PALB2: variants seen among roughly 807,000 people sequenced by gnomAD.
PALB2 encodes the protein mutant partner and localizer of BRCA2.
Under a neutral mutation model 107.4 loss-of-function variants are expected in PALB2, and 82 were observed. The observed-to-expected ratio is 0.76, with a 90% CI of 0.64 to 0.92. The LOEUF is 0.92. Among genes scored for constraint, PALB2 ranks in the 40% least tolerant of loss-of-function variants. PALB2 has a pLI of 0.00. For synonymous variants in PALB2, 489 were observed against 496.8 expected, an observed-to-expected ratio of 0.98 and a Z score of 0.21; for missense variants, 1,374 against 1,379.9, an observed-to-expected ratio of 1.00 and a Z score of 0.07.
intron 10 of PALB2, among the ~76,000 whole-genome samples, chr16:23,614,501 G>A (rs971604615): frequency 6.6e-6 from 1 of 152,130 alleles, no homozygotes; most frequent in Non-Finnish European, 1.5e-5. Flanking sequence ...ACCTAAAAGA[G>A]AGTTACAATT....
At chr16:23,612,028 G>A (rs189557664) in intron 11 of PALB2, among the ~76,000 whole-genome samples, 10 of 152,226 alleles carry the variant, frequency 6.6e-5, no homozygotes, top group Admixed American at 2.0e-4. Flanking sequence ...GGAAAGATGC[G>A]GTCTTTGTGT....
chr16:23,637,879 T>A lies in PALB2; in HGVS notation c.182A>T (p.Gln61Leu), dbSNP rs1354687901. 1.2e-6 allele frequency: 2 copies of A among 1,613,876 alleles called. No individual in the cohort carries two copies. Among genetic ancestry groups the A allele is most frequent in the African/African-American group, 2.7e-5 (2 of 74,936 alleles). ...GTGTTTTAGCTGCGGTGAGAGATCC[T>A]GCTGAGACAAACAATCTTGTTCTTC... ...TVEEQDCLSQ[Q>L]DLSPQLKHSE... is the part of the protein sequence containing the mutation. The change falls in exon 3 of 13, where the codon CAG becomes CTG. Residue 61 changes from glutamine (Q) to leucine (L), a missense_variant. By Grantham distance (113) the Gln-to-Leu change is moderately radical. Coordinates refer to ENST00000261584, the MANE Select transcript of PALB2 (RefSeq NM_024675.4).
rs1597099850 is a variant in PALB2 at position 23,636,316 on chromosome 16, C to T, written c.230G>A (p.Cys77Tyr). The T allele has an allele frequency of 3.7e-6, 6 of 1,608,938 alleles. No homozygotes were observed. The highest frequency in any genetic ancestry group is 4.2e-6 in the Non-Finnish European group (5 of 1,177,540). Residue 77 changes from cysteine to tyrosine, a missense_variant, in exon 4 of 13, where the codon TGT becomes TAT. Physicochemically the swap from Cys to Tyr is radical, Grantham distance 194. Transcript: ENST00000261584. ...TTTGATGTGTAACTTGTCATAAACACATATTTTATTTTTAGGTTCTGAGGA... is the reference window on the plus strand; with the variant it reads ...TTTGATGTGTAACTTGTCATAAACATATATTTTATTTTTAGGTTCTGAGGA... ...LKHSEPKNKI[C>Y]VYDKLHIKTH...
At position 23,629,289 on chromosome 16, in the gene PALB2, A is replaced by T. The variant is rs752108348; in HGVS notation, c.2515-14T>A. 7.5e-6 allele frequency: 12 copies of T among 1,609,282 alleles called. No homozygotes were observed. Among genetic ancestry groups the T allele is most frequent in the Non-Finnish European group, 1.0e-5 (12 of 1,176,452 alleles). ...TGCTGTTTCAGTCTGTGAAAACAAAAGTCACATCATTAGTCTACACTTTAT... is the reference window on the plus strand; with the variant it reads ...TGCTGTTTCAGTCTGTGAAAACAAATGTCACATCATTAGTCTACACTTTAT... On this transcript the variant is annotated splice_polypyrimidine_tract_variant and intron_variant, in intron 5 of 12. Transcript: ENST00000261584.
Position 23,630,076 on chromosome 16 carries a change from T to A in PALB2, c.2078A>T (p.His693Leu), listed in dbSNP as rs587780208. ...GGATGAAGAAAGGCCCGTCTTTGTA[T>A]GCTGGCTTTGCGAGTTTGGCCTTTT... ...HPKRPNSQSQ[H>L]TKTGLSSSIL... The change falls in exon 5 of 13, where the codon CAT (histidine) becomes CTT (leucine). Residue 693 changes from histidine (H) to leucine (L), a missense_variant. Coordinates refer to ENST00000261584, the MANE Select transcript of PALB2 (RefSeq NM_024675.4). 2.5e-6 allele frequency: 4 copies of A among 1,614,112 alleles called. No individual in the cohort carries two copies. The highest frequency in any genetic ancestry group is 3.4e-6 in the Non-Finnish European group (4 of 1,180,044).
In PALB2 at chr16:23,629,674, GT is replaced by G. The variant is rs1597088811; in HGVS notation, c.2479del (p.Thr827HisfsTer24). 2 of 1,614,228 alleles carry G rather than the reference GT, an allele frequency of 1.2e-6. No individual in the cohort carries two copies. Among genetic ancestry groups the G allele is most frequent in the Middle Eastern group, 3.3e-4 (2 of 6,062 alleles). ...GGAATGTTTATGCAGCTCCTGGCAT[GT>G]GTTTCTACAGAGCTGATTTTCTTTA... ...TFKENQLCRN[T>X]CQELHKHSVE... On this transcript the variant is annotated frameshift_variant, in exon 5 of 13. Transcript: ENST00000261584. LOFTEE classifies it high-confidence loss of function.
Position 23,603,504 on chromosome 16 carries a change from C to A in PALB2, c.3516G>T (p.Leu1172=), listed in dbSNP as rs2142251637. Residue 1172 remains leucine, a synonymous_variant, in exon 13 of 13, where the codon CTG becomes CTT. Coordinates refer to ENST00000261584, the MANE Select transcript of PALB2 (RefSeq NM_024675.4). The part of the protein sequence containing the change: ...VKWSGTDSHL[L]AGQKDGNIFV... ...ATATATTTCCATCTTTTTGTCCAGCCAGCAAATGAGAGTCTGTACCCGACC... is the reference window on the plus strand; with the variant it reads ...ATATATTTCCATCTTTTTGTCCAGCAAGCAAATGAGAGTCTGTACCCGACC... 6.2e-7 allele frequency: 1 copy of A among 1,613,948 alleles called. No homozygotes were observed. Among genetic ancestry groups the A allele is most frequent in the Non-Finnish European group, 8.5e-7 (1 of 1,179,966 alleles).
chr16:23,608,061 T>G, intron 11 of PALB2, 49 bp from the exon 12 acceptor site: 1 of 1,581,674 alleles, frequency 6.3e-7, no homozygotes, highest in Non-Finnish European at 8.7e-7. Context: ...CAAGAGTATG[T>G]CAGGAAAAAT....
chr16:23,613,889 AT>A, intron 11 of PALB2, 114 bp downstream of exon 11: 1 of 768,742 alleles, frequency 1.3e-6, no homozygotes. Flanking sequence ...TTGCTATCCA[AT>A]TTTGAAAAAA....
At chr16:23,631,947 A>G (rs1446323134) in intron 4 of PALB2, among the ~76,000 whole-genome samples, 3 of 152,142 alleles carry the variant, frequency 2.0e-5, no homozygotes, top group Non-Finnish European at 4.4e-5. Flanking sequence ...CCCAGGCTCA[A>G]GCAATCCTCC....
intron 10 of PALB2, among the ~76,000 whole-genome samples, chr16:23,616,906 G>A (rs1430947882): frequency 6.6e-6 from 1 of 151,400 alleles, no homozygotes; most frequent in Non-Finnish European, 1.5e-5. Context: ...TCCACCTCCC[G>A]GGTTCATGCC....
chr16:23,605,440 G>T (rs544938905), intron 12 of PALB2, among the ~76,000 whole-genome samples: 1 of 152,036 alleles, frequency 6.6e-6, no homozygotes, highest in South Asian at 2.1e-4. Flanking sequence ...ACAGAGCCTT[G>T]CTCTGTCACC....
chr16:23,633,891 T>G (rs1400329303), intron 4 of PALB2, among the ~76,000 whole-genome samples: 2 of 152,046 alleles, frequency 1.3e-5, no homozygotes, highest in Non-Finnish European at 2.9e-5. Context: ...TTTTTTTTTG[T>G]AGAGATGGGG....
intron 7 of PALB2, among the ~76,000 whole-genome samples, chr16:23,624,394 A>C (rs578051486): frequency 3.9e-5 from 6 of 152,366 alleles, no homozygotes; most frequent in African/African-American, 1.4e-4. Context: ...TTAAAAGTAT[A>C]TCTATGTTCA....
chr16:23,641,006 G>C (rs1967223269), intron 1 of PALB2, 104 bp downstream of exon 1: 1 of 1,336,272 alleles, frequency 7.5e-7, no homozygotes. Context: ...GGGGTGGTCA[G>C]ATGATACTGC....
chr16:23,626,832 G>A (rs991911071), intron 6 of PALB2, among the ~76,000 whole-genome samples: 17 of 152,092 alleles, frequency 1.1e-4, no homozygotes, highest in African/African-American at 3.6e-4. Flanking sequence ...ATTTGGCCAG[G>A]CTGGTCTTGA....
chr16:23,634,825 C>T (rs1287051185), intron 4 of PALB2, 37 bp downstream of exon 4: 2 of 1,588,282 alleles, frequency 1.3e-6, no homozygotes, highest in Non-Finnish European at 1.7e-6. Flanking sequence ...TAACTTTCAT[C>T]ATCATCATCA....
At chr16:23,610,903 C>T (rs547366871) in intron 11 of PALB2, among the ~76,000 whole-genome samples, 1 of 151,776 alleles carries the variant, frequency 6.6e-6, no homozygotes, top group Admixed American at 6.6e-5. Flanking sequence ...CCAGGCATGG[C>T]GGCAGGCACA....
chr16:23,626,328 A>G lies in PALB2; in HGVS notation c.2656T>C (p.Cys886Arg), dbSNP rs1555459977. The G allele has an allele frequency of 6.2e-7, 1 of 1,614,192 alleles. No individual in the cohort carries two copies. Among genetic ancestry groups the G allele is most frequent in the Non-Finnish European group, 8.5e-7 (1 of 1,180,024 alleles). The part of the protein sequence containing the change: ...FWERAGCKEP[C>R]IITACEDVVS... The stretch of plus-strand genomic sequence containing the variant: ...ACATCTTCGCAAGCAGTTATGATAC[A>G]TGGCTCTTTACAACCGGCTCTTTCC... The change falls in exon 7 of 13, where the codon TGT becomes CGT. Residue 886 changes from cysteine to arginine, a missense_variant. Coordinates refer to ENST00000261584, the MANE Select transcript of PALB2 (RefSeq NM_024675.4).
Sources: gnomAD v4.1 joint callset for allele counts (sites outside exome capture counted in the v4.1 genomes callset) on GRCh38, gnomAD v4.1.1 for gene constraint, MANE v1.5 for transcripts, NCBI Gene and HGNC (gene_info 2026-07-23, HGNC 2026-07-21) for gene names.